Variants in OPHN1 observed in about 807,000 individuals in gnomAD.
The protein encoded by OPHN1 is oligophrenin 1.
Under a neutral mutation model 60.7 loss-of-function variants are expected in OPHN1, and 11 were observed. That is an observed-to-expected ratio of 0.18 (90% CI 0.11 to 0.30). The LOEUF is 0.30. Among genes scored for constraint, OPHN1 ranks in the 10% least tolerant of loss-of-function variants. The pLI is 1.00. For missense variants in OPHN1, 449 were observed against 611.0 expected (o/e 0.73, Z 2.80); for synonymous variants, 226 against 222.6 (o/e 1.02, Z -0.14).
intron 5 of OPHN1, among the ~76,000 whole-genome samples, chrX:68,241,559 A>G (rs1018243760): frequency 2.7e-5 from 3 of 111,959 alleles, no homozygotes; most frequent in Non-Finnish European, 5.6e-5. Flanking sequence ...ATATAAAATT[A>G]TACACAATTA....
In OPHN1 at chrX:68,433,085, A is replaced by C. The variant is rs1263628596; in HGVS notation, c.-4-61T>G. ...CAAAGACCGAGAGCATCAATGGCAC[A>C]GTAGAGGAAGTAGAGGGGACGGACT... On this transcript the variant is annotated intron_variant, in intron 1 of 24. Transcript: ENST00000355520. The C allele has an allele frequency of 2.9e-6, 3 of 1,035,881 alleles. No individual in the cohort carries two copies. The African/African-American group carries it at 5.6e-5, about 19-fold the overall frequency. The allele number at this position is 1,035,881 out of a possible 1,213,427, so 85.4% of individuals were successfully genotyped here. A position where few individuals can be genotyped will look rare whatever the true frequency, so the allele number is the denominator to read the frequency against.
At chrX:68,112,319 T>A in intron 17 of OPHN1, 1 of 150,438 alleles carries the variant, frequency 6.6e-6, no homozygotes, top group Non-Finnish European at 1.3e-5. Context: ...AAGAGAAGGA[T>A]GAGAAGAGAA....
At chrX:68,048,530 G>A (rs1205554449) in intron 23 of OPHN1, 73 bp from the exon 24 acceptor site, 2 of 937,161 alleles carry the variant, frequency 2.1e-6, no homozygotes, top group African/African-American at 3.9e-5. Flanking sequence ...GGGAATGGGG[G>A]ACACTTCTAG....
At chrX:68,262,403 T>C (rs1043107542) in intron 5 of OPHN1, among the ~76,000 whole-genome samples, 1 of 112,109 alleles carries the variant, frequency 8.9e-6, no homozygotes, top group Non-Finnish European at 1.9e-5. Context: ...ATGGAAAAGT[T>C]AGCATTAATT....
At chrX:68,274,622 G>A (rs1282893272) in intron 5 of OPHN1, 116 bp downstream of exon 5, 29 of 509,557 alleles carry the variant, frequency 5.7e-5, no homozygotes, top group Non-Finnish European at 9.3e-5. Context: ...AGGCTGACTA[G>A]GCCAAGAGCA....
chrX:68,260,753 T>C (rs1023462862), intron 5 of OPHN1, among the ~76,000 whole-genome samples: 8 of 111,882 alleles, frequency 7.2e-5, no homozygotes, highest in Non-Finnish European at 1.1e-4. Flanking sequence ...CCACTTGATC[T>C]TCCCTGCTAA....
chrX:68,228,566 A>T (rs2077709782), intron 6 of OPHN1, among the ~76,000 whole-genome samples: 2 of 111,946 alleles, frequency 1.8e-5, no homozygotes, highest in South Asian at 7.6e-4. Context: ...ATCCACCACG[A>T]TCAAGTTGGC....
At chrX:68,433,675 C>T (rs1178375127), upstream of OPHN1, 3 of 296,251 alleles carry the variant, frequency 1.0e-5, no homozygotes, top group Non-Finnish European at 1.8e-5. Context: ...AAGACTTCTT[C>T]CTGGTGCAAG....
At chrX:68,076,718 C>G (rs995891346) in intron 19 of OPHN1, among the ~76,000 whole-genome samples, 1 of 111,916 alleles carries the variant, frequency 8.9e-6, no homozygotes, top group Non-Finnish European at 1.9e-5. Flanking sequence ...AGACTGTACA[C>G]AAATGTTTGC....
At chrX:68,192,311 C>A (rs918812039) in intron 15 of OPHN1, among the ~76,000 whole-genome samples, 1 of 110,070 alleles carries the variant, frequency 9.1e-6, no homozygotes, top group African/African-American at 3.3e-5. Flanking sequence ...CCAGCCTAGG[C>A]AATATAGTGA....
chrX:68,124,796 G>A (rs2077163380), intron 15 of OPHN1, among the ~76,000 whole-genome samples: 1 of 110,621 alleles, frequency 9.0e-6, no homozygotes. Flanking sequence ...ACAAGCGTGT[G>A]CCACCACACC....
chrX:68,377,190 G>A (rs1419916191), intron 2 of OPHN1, among the ~76,000 whole-genome samples: 4 of 104,668 alleles, frequency 3.8e-5, no homozygotes, highest in Non-Finnish European at 5.8e-5. Context: ...TCCACCTCCC[G>A]GCTTCACACT....
At chrX:68,125,607 C>T (rs1452969577) in intron 15 of OPHN1, among the ~76,000 whole-genome samples, 4 of 109,493 alleles carry the variant, frequency 3.7e-5, no homozygotes, top group Non-Finnish European at 7.6e-5. Flanking sequence ...CCTAGACACA[C>T]ACAACCTACC....
intron 15 of OPHN1, among the ~76,000 whole-genome samples, chrX:68,185,686 AAGGG>A (rs2147444615): frequency 9.0e-6 from 1 of 110,810 alleles, no homozygotes; most frequent in South Asian, 3.9e-4. Context: ...AAAAAAGAGA[AAGGG>A]AGGTAAGCAG....
At chrX:68,355,695 A>C (rs1330325207) in intron 2 of OPHN1, among the ~76,000 whole-genome samples, 2 of 111,882 alleles carry the variant, frequency 1.8e-5, no homozygotes, top group Admixed American at 1.9e-4. Context: ...TATGCTTCCA[A>C]GAAAGACAAT....
intron 2 of OPHN1, among the ~76,000 whole-genome samples, chrX:68,353,113 AC>A (rs1202685402): frequency 9.1e-6 from 1 of 109,447 alleles, no homozygotes; most frequent in Non-Finnish European, 1.9e-5. Flanking sequence ...GAACGCACGT[AC>A]CCCTGGACTC....
At chrX:68,290,475 T>C (rs1471295518) in intron 3 of OPHN1, among the ~76,000 whole-genome samples, 1 of 110,472 alleles carries the variant, frequency 9.1e-6, no homozygotes, top group Non-Finnish European at 1.9e-5. Flanking sequence ...GGTGAGCACC[T>C]GTAATCCCAC....
At chrX:68,370,789 G>A (rs1047481613) in intron 2 of OPHN1, among the ~76,000 whole-genome samples, 2 of 111,330 alleles carry the variant, frequency 1.8e-5, no homozygotes, top group South Asian at 3.8e-4. Flanking sequence ...TTATAAGTGT[G>A]AAGTTGGTAT....
At chrX:68,266,336 G>A (rs1311486812) in intron 5 of OPHN1, among the ~76,000 whole-genome samples, 1 of 111,952 alleles carries the variant, frequency 8.9e-6, no homozygotes, top group Non-Finnish European at 1.9e-5. Flanking sequence ...TCGCTCGGCA[G>A]AAACTCTAGA....
Sources: allele counts gnomAD v4.1 joint callset (sites outside exome capture counted in the v4.1 genomes callset), GRCh38; gene constraint gnomAD v4.1.1; transcripts MANE v1.5; gene names NCBI Gene and HGNC (gene_info 2026-07-23, HGNC 2026-07-21).